Variants in ASTN2 observed in about 807,000 individuals in gnomAD.
The protein encoded by ASTN2 is astrotactin 2.
ASTN2 carries 54 observed loss-of-function variants against 139.8 expected under a neutral mutation model. The observed-to-expected ratio is 0.39, with a 90% CI of 0.31 to 0.48. ASTN2 has a LOEUF of 0.48. Among genes scored for constraint, ASTN2 ranks in the 20% least tolerant of loss-of-function variants. The pLI, the probability that ASTN2 is intolerant of heterozygous loss-of-function variation, is 0.95. For missense variants in ASTN2, 1,565 were observed against 1,725.1 expected (o/e 0.91, Z 1.64); for synonymous variants, 756 against 719.5 (o/e 1.05, Z -0.81).
At chr9:117,068,484 C>T (rs1828016182) in intron 5 of ASTN2, among the ~76,000 whole-genome samples, 1 of 115,900 alleles carries the variant, frequency 8.6e-6, no homozygotes, top group Non-Finnish European at 1.8e-5. Flanking sequence ...TTGGTTGTGC[C>T]TCTGCCTGGC....
rs1041629828 is a variant in ASTN2 at position 116,469,970 on chromosome 9, C to T, written c.3497+17389G>A. On this transcript the variant is annotated intron_variant, in intron 20 of 22. Transcript: ENST00000313400. Reference sequence around the variant, plus strand: ...CTGTAATCACAGCACTTTAGGAGGCCGAGGTGGCAGGATCACCTGAGGTCA... The same window carrying T: ...CTGTAATCACAGCACTTTAGGAGGCTGAGGTGGCAGGATCACCTGAGGTCA... Among the ~76,000 whole-genome samples, 2 of 151,888 alleles carry T rather than the reference C, an allele frequency of 1.3e-5. 1 individual carries two copies. Among genetic ancestry groups the T allele is most frequent in the Non-Finnish European group, 2.9e-5 (2 of 68,004 alleles).
chr9:116,698,824 T>TG lies in ASTN2; in HGVS notation c.2806+26946dup, dbSNP rs1861023658. On this transcript the variant is annotated intron_variant, in intron 16 of 22. Coordinates refer to ENST00000313400, the MANE Select transcript of ASTN2 (RefSeq NM_001365068.1). The surrounding 1 kb of genome is among the most constrained non-coding windows in gnomAD (Gnocchi z 4.4). ...CAGCAGTGCCTCTTTCTCAAGAAGA[T>TG]GGGGGCCAAAGGCAGCACTCCAGGA... 1 of 1,614,176 alleles carries TG rather than the reference T, an allele frequency of 6.2e-7. No individual in the cohort carries two copies. The highest frequency in any genetic ancestry group is 8.5e-7 in the Non-Finnish European group (1 of 1,180,040).
intron 19 of ASTN2, among the ~76,000 whole-genome samples, chr9:116,574,163 G>T (rs906374421): frequency 6.6e-6 from 1 of 152,188 alleles, no homozygotes; most frequent in African/African-American, 2.4e-5. Context: ...GAGCCACACA[G>T]TCTCTGTTGC....
At chr9:116,898,176 G>A (rs1811325842) in intron 10 of ASTN2, among the ~76,000 whole-genome samples, 1 of 152,140 alleles carries the variant, frequency 6.6e-6, no homozygotes, top group South Asian at 2.1e-4. Flanking sequence ...GGAGGCCAAG[G>A]TGGAAGGATC....
chr9:117,066,900 A>G (rs1290518027), intron 5 of ASTN2, among the ~76,000 whole-genome samples: 3 of 122,858 alleles, frequency 2.4e-5, no homozygotes, highest in Non-Finnish European at 5.1e-5. Flanking sequence ...TAGATTCTGG[A>G]TATTAGCCCT....
chr9:117,158,034 G>T (rs568513449), intron 3 of ASTN2, among the ~76,000 whole-genome samples: 1 of 151,982 alleles, frequency 6.6e-6, no homozygotes, highest in Non-Finnish European at 1.5e-5. Flanking sequence ...ACTGTGCTAG[G>T]CATTTTACCT....
chr9:116,632,260 A>G (rs147184299), intron 17 of ASTN2, among the ~76,000 whole-genome samples: 8,041 of 118,860 alleles, frequency 0.068, 652 homozygotes, highest in African/African-American at 0.1. Flanking sequence ...AAGGAAAGAA[A>G]GAAAGAAAGA....
intron 3 of ASTN2, among the ~76,000 whole-genome samples, chr9:117,171,828 C>A (rs774380808): frequency 3.3e-5 from 5 of 152,018 alleles, no homozygotes; most frequent in Admixed American, 1.3e-4. Context: ...AATTACCGAG[C>A]CTTGGGCACT....
chr9:117,035,571 GA>G (rs1459102846), intron 6 of ASTN2, among the ~76,000 whole-genome samples: 2 of 152,108 alleles, frequency 1.3e-5, no homozygotes, highest in East Asian at 3.9e-4. Flanking sequence ...TCCTACAGAA[GA>G]TTTGATTCTA....
At chr9:116,767,625 T>C (rs1829844752) in intron 13 of ASTN2, among the ~76,000 whole-genome samples, 1 of 152,180 alleles carries the variant, frequency 6.6e-6, no homozygotes. Context: ...TTCAAAGGCA[T>C]GTTGGCCATG....
chr9:116,775,824 A>G (rs543276527), intron 13 of ASTN2, among the ~76,000 whole-genome samples: 12 of 143,638 alleles, frequency 8.4e-5, no homozygotes, highest in African/African-American at 3.1e-4. Flanking sequence ...AGGAAGGAAG[A>G]AAGGAAGGAA....
At chr9:117,291,983 C>T (rs1834606212) in intron 1 of ASTN2, among the ~76,000 whole-genome samples, 1 of 152,166 alleles carries the variant, frequency 6.6e-6, no homozygotes, top group Non-Finnish European at 1.5e-5. Flanking sequence ...AGAGCACCAA[C>T]TCAGCTGAGG....
Position 116,618,516 on chromosome 9 carries a change from C to T in ASTN2, c.3207-44G>A, listed in dbSNP as rs199987557. ...AAGATTCGTGTTTGGCAGCCAGCAC[C>T]AGCTGGGGCCCAAAAGAATCCGCAT... is the stretch of plus-strand genomic sequence containing the variant. On this transcript the variant is annotated intron_variant, in intron 18 of 22. Coordinates refer to ENST00000313400, the MANE Select transcript of ASTN2 (RefSeq NM_001365068.1). 7.0e-6 allele frequency: 11 copies of T among 1,569,766 alleles called. No individual in the cohort carries two copies. The East Asian group carries it at 2.5e-4, about 36-fold the overall frequency.
intron 6 of ASTN2, among the ~76,000 whole-genome samples, chr9:117,013,331 TAA>T (rs1164498342): frequency 1.3e-5 from 2 of 152,024 alleles, no homozygotes; most frequent in African/African-American, 2.4e-5. Context: ...GGCTTTCAAT[TAA>T]AAGTGTCCTC....
At position 116,805,824 on chromosome 9, in the gene ASTN2, T is replaced by C. The variant is rs766960680; in HGVS notation, c.2208-4A>G. 1.4e-5 allele frequency: 22 copies of C among 1,612,940 alleles called. No homozygotes were observed. Among genetic ancestry groups the C allele is most frequent in the Non-Finnish European group, 1.5e-5 (18 of 1,179,410 alleles). On this transcript the variant is annotated splice_region_variant and splice_polypyrimidine_tract_variant and intron_variant, in intron 12 of 22. Transcript: ENST00000313400. ...CAGTTTGTACTCCTCCACGCAACTG[T>C]ATGATAAAACAGAGCTCAGAATTAG...
At chr9:117,082,124 A>G (rs1431360662) in intron 5 of ASTN2, among the ~76,000 whole-genome samples, 2 of 152,136 alleles carry the variant, frequency 1.3e-5, no homozygotes, top group African/African-American at 4.8e-5. Context: ...CTCTCCCCTC[A>G]ACTAGAACAC....
intron 16 of ASTN2, among the ~76,000 whole-genome samples, chr9:116,707,404 A>G (rs1828020779): frequency 6.6e-6 from 1 of 151,834 alleles, no homozygotes; most frequent in African/African-American, 2.4e-5. Context: ...CTCAAACCCT[A>G]TAAAGCAACT....
At chr9:117,316,762 C>T (rs1420584304) in intron 1 of ASTN2, among the ~76,000 whole-genome samples, 5 of 152,190 alleles carry the variant, frequency 3.3e-5, no homozygotes, top group Admixed American at 6.5e-5. Flanking sequence ...GAAGAATAAA[C>T]CACAAACTGC....
chr9:116,926,350 G>C (rs1320062569), intron 10 of ASTN2, among the ~76,000 whole-genome samples: 4 of 152,270 alleles, frequency 2.6e-5, no homozygotes, highest in Non-Finnish European at 1.5e-5. Context: ...GCAAGTTAGA[G>C]CTTTCTTTTT....
Sources: gnomAD v4.1 joint callset for allele counts (sites outside exome capture counted in the v4.1 genomes callset) on GRCh38, gnomAD v4.1.1 for gene constraint, Gnocchi (gnomAD v3.1) non-coding constraint, MANE v1.5 for transcripts, NCBI Gene and HGNC (gene_info 2026-07-23, HGNC 2026-07-21) for gene names.